XIRP2: variants seen among roughly 807,000 people sequenced by gnomAD.
XIRP2 encodes xin actin binding repeat containing 2.
In XIRP2, 236 loss-of-function variants were observed where a neutral mutation model predicts 277.0. The ratio of observed to expected loss-of-function variants is 0.85; its 90% confidence interval spans 0.77 to 0.95. The LOEUF (loss-of-function observed/expected upper bound fraction) is 0.95. XIRP2 is among the 40% of genes least tolerant of loss of function. The probability of loss-of-function intolerance (pLI) is 0.00; values close to 1 mark genes in which losing one functional copy is unlikely to be tolerated. For missense variants in XIRP2, 4,640 were observed against 4,157.5 expected (o/e 1.12, Z -3.19); for synonymous variants, 1,490 against 1,416.5 (o/e 1.05, Z -1.17).
In XIRP2 at chr2:167,243,658, A is replaced by T; in HGVS notation, c.2266A>T (p.Thr756Ser). ...TTCGGGCCAAATGCTGGAAATTAAA[A>T]CTGTTCACAGAGAAGACGTTGAAAA... ...DGSGQMLEIKTVHREDVEKGD... is the reference protein window; with the variant it reads ...DGSGQMLEIKSVHREDVEKGD... Residue 756 changes from threonine (T) to serine (S), a missense_variant, in exon 9 of 11, where the codon ACT becomes TCT. Thr to Ser is a moderately conservative substitution (Grantham distance 58). Coordinates refer to ENST00000409195, the MANE Select transcript of XIRP2 (RefSeq NM_152381.6). 1 of 1,613,972 alleles carries T rather than the reference A, an allele frequency of 6.2e-7. No individual in the cohort carries two copies. The highest frequency in any genetic ancestry group is 8.5e-7 in the Non-Finnish European group (1 of 1,179,962).
intron 2 of XIRP2, among the ~76,000 whole-genome samples, chr2:167,025,670 GT>G (rs1688131401): frequency 1.3e-5 from 2 of 152,006 alleles, no homozygotes. Flanking sequence ...GTTCTCATTG[GT>G]TTCAAAGAAC....
chr2:166,932,929 C>G (rs1051772865), intron 2 of XIRP2, among the ~76,000 whole-genome samples: 4 of 152,176 alleles, frequency 2.6e-5, no homozygotes, highest in Non-Finnish European at 4.4e-5. Context: ...CAATATCGCA[C>G]TATCTTCATT....
chr2:167,116,616 C>A (rs183709011), intron 2 of XIRP2, among the ~76,000 whole-genome samples: 133 of 152,180 alleles, frequency 8.7e-4, no homozygotes, highest in African/African-American at 3.0e-3. Flanking sequence ...GTGATTAGAT[C>A]ATTTACATTT....
At chr2:166,929,133 T>C (rs1350054782) in intron 2 of XIRP2, among the ~76,000 whole-genome samples, 1 of 151,614 alleles carries the variant, frequency 6.6e-6, no homozygotes, top group Non-Finnish European at 1.5e-5. Flanking sequence ...CAAGACCCGC[T>C]GAATTGGGAA....
chr2:166,956,931 T>C (rs909643127), intron 2 of XIRP2, among the ~76,000 whole-genome samples: 3 of 151,828 alleles, frequency 2.0e-5, no homozygotes, highest in Non-Finnish European at 2.9e-5. Flanking sequence ...TATGTTAAGA[T>C]AAGAAAGGTT....
chr2:166,945,949 A>C (rs1336441064), intron 2 of XIRP2, among the ~76,000 whole-genome samples: 1 of 152,116 alleles, frequency 6.6e-6, no homozygotes, highest in Non-Finnish European at 1.5e-5. Context: ...AAGTATCCAA[A>C]GGGATTAGAA....
chr2:167,005,949 A>T (rs567221139), intron 2 of XIRP2, among the ~76,000 whole-genome samples: 1 of 151,868 alleles, frequency 6.6e-6, no homozygotes, highest in African/African-American at 2.4e-5. Context: ...GTTTGGTCTG[A>T]TGCGTGTCCA....
intron 2 of XIRP2, among the ~76,000 whole-genome samples, chr2:167,099,280 C>T (rs1358180679): frequency 6.6e-6 from 1 of 152,182 alleles, no homozygotes. Flanking sequence ...CCAGTTCAAA[C>T]TTCCCAGTGG....
At chr2:167,011,941 T>C (rs919587871) in intron 2 of XIRP2, among the ~76,000 whole-genome samples, 42 of 151,990 alleles carry the variant, frequency 2.8e-4, no homozygotes, top group Admixed American at 9.2e-4. Flanking sequence ...TTTTTTATTG[T>C]GTCTATTTGA....
At chr2:166,949,583 A>T (rs1034129955) in intron 2 of XIRP2, among the ~76,000 whole-genome samples, 6 of 152,070 alleles carry the variant, frequency 3.9e-5, no homozygotes, top group Admixed American at 3.3e-4. Context: ...TCTCCATGTG[A>T]ATAGCACCTT....
chr2:167,078,493 C>T (rs1358427536), intron 2 of XIRP2, among the ~76,000 whole-genome samples: 1 of 152,084 alleles, frequency 6.6e-6, no homozygotes, highest in Non-Finnish European at 1.5e-5. Flanking sequence ...CTGGATGGGA[C>T]TTCCAGTACT....
At chr2:167,156,900 C>T (rs1692219186) in intron 3 of XIRP2, among the ~76,000 whole-genome samples, 1 of 152,150 alleles carries the variant, frequency 6.6e-6, no homozygotes, top group African/African-American at 2.4e-5. Flanking sequence ...CTCAGTCAAA[C>T]TTCAAGGATA....
intron 4 of XIRP2, among the ~76,000 whole-genome samples, chr2:167,215,785 A>G (rs1427448542): frequency 6.6e-6 from 1 of 152,158 alleles, no homozygotes; most frequent in Non-Finnish European, 1.5e-5. Flanking sequence ...GAATTATCCC[A>G]TCTGGGCTTG....
At chr2:167,023,281 C>T (rs1324908639) in intron 2 of XIRP2, among the ~76,000 whole-genome samples, 2 of 151,924 alleles carry the variant, frequency 1.3e-5, no homozygotes, top group Admixed American at 6.6e-5. Flanking sequence ...TCATGTCCTT[C>T]ACCCACTTTT....
At chr2:167,073,862 AT>A (rs1689497286) in intron 2 of XIRP2, among the ~76,000 whole-genome samples, 1 of 152,200 alleles carries the variant, frequency 6.6e-6, no homozygotes, top group Non-Finnish European at 1.5e-5. Flanking sequence ...AATGTCTGAG[AT>A]TTGGAACCTC....
chr2:167,163,124 C>T (rs1172352243), intron 3 of XIRP2, among the ~76,000 whole-genome samples: 1 of 152,148 alleles, frequency 6.6e-6, no homozygotes, highest in Non-Finnish European at 1.5e-5. Flanking sequence ...ATTAAGACTA[C>T]AATTGCTGTA....
At chr2:166,902,638 C>A (rs7595607) in intron 1 of XIRP2, among the ~76,000 whole-genome samples, 34,114 of 151,824 alleles carry the variant, frequency 0.22, 4,230 homozygotes, top group Admixed American at 0.29. Context: ...TAAGAGTACA[C>A]TTTGCCATTT....
Position 167,247,616 on chromosome 2 carries a change from G to C in XIRP2, c.6224G>C (p.Arg2075Thr). 1 of 1,613,684 alleles carries C rather than the reference G, an allele frequency of 6.2e-7. No homozygotes were observed. Among genetic ancestry groups the C allele is most frequent in the African/African-American group, 1.3e-5 (1 of 75,014 alleles). Residue 2075 changes from arginine (R) to threonine (T), a missense_variant, in exon 9 of 11, where the codon AGA (arginine) becomes ACA (threonine). Physicochemically the swap from Arg to Thr is moderately conservative, Grantham distance 71. Transcript: ENST00000409195. The stretch of plus-strand genomic sequence containing the variant: ...GATACTACAGGAGAACAGCATCTTA[G>C]AGATGAATATATGAGCAGACAATTA... ...WTDTTGEQHL[R>T]DEYMSRQLTS...
chr2:166,903,756 C>G lies in XIRP2; in HGVS notation c.274C>G (p.Arg92Gly). Residue 92 changes from arginine to glycine, a missense_variant, in exon 2 of 11, where the codon CGG becomes GGG. Transcript: ENST00000409195. ...GAGTAACAACACCAGGGAATATGGTCGGCCAGAAGTGCTGAAGGAGGATTC... is the reference window on the plus strand; with the variant it reads ...GAGTAACAACACCAGGGAATATGGTGGGCCAGAAGTGCTGAAGGAGGATTC... ...DKSNNTREYG[R>G]PEVLKEDSLS... The G allele has an allele frequency of 6.2e-7, 1 of 1,613,564 alleles. No individual in the cohort carries two copies. The highest frequency in any genetic ancestry group is 8.5e-7 in the Non-Finnish European group (1 of 1,179,776).
Sources: allele counts gnomAD v4.1 joint callset (sites outside exome capture counted in the v4.1 genomes callset), GRCh38; gene constraint gnomAD v4.1.1; transcripts MANE v1.5; gene names NCBI Gene and HGNC (gene_info 2026-07-23, HGNC 2026-07-21).